Variants in GNAZ observed in about 807,000 individuals in gnomAD.
GNAZ encodes G protein subunit alpha z.
GNAZ carries 3 observed loss-of-function variants against 25.4 expected under a neutral mutation model. That is an observed-to-expected ratio of 0.12 (90% CI 0.05 to 0.30). The LOEUF (loss-of-function observed/expected upper bound fraction) is 0.30. Among genes scored for constraint, GNAZ ranks in the 10% least tolerant of loss-of-function variants. GNAZ has a pLI of 1.00. For missense variants in GNAZ, 241 were observed against 501.8 expected, an observed-to-expected ratio of 0.48 and a Z score of 4.97; for synonymous variants, 211 against 205.7, an observed-to-expected ratio of 1.03 and a Z score of -0.22.
intron 2 of GNAZ, among the ~76,000 whole-genome samples, chr22:23,100,425 G>A (rs2069264275): frequency 6.6e-6 from 1 of 152,242 alleles, no homozygotes; most frequent in Non-Finnish European, 1.5e-5. Flanking sequence ...AGAGACAGCT[G>A]GTCAACATGT....
rs2069111757 is a variant in GNAZ, at chr22:23,095,986, C to T, written c.291C>T (p.Asn97=). Residue 97 remains asparagine, a synonymous_variant, in exon 2 of 3, where the codon AAC becomes AAT. Transcript: ENST00000615612. ...ALAALRIDFH[N]PDRAYDAVQL... The stretch of plus-strand genomic sequence containing the variant: ...CCGCCCTCAGGATCGACTTCCACAA[C>T]CCCGACCGCGCCTACGACGCTGTGC... 1.2e-6 allele frequency: 2 copies of T among 1,610,016 alleles called. No homozygotes were observed. Among genetic ancestry groups the T allele is most frequent in the African/African-American group, 1.3e-5 (1 of 74,946 alleles).
At chr22:23,122,681 G>A (rs2070064576) in intron 2 of GNAZ, 1 of 206,580 alleles carries the variant, frequency 4.8e-6, no homozygotes, top group African/African-American at 2.3e-5. Flanking sequence ...GGCTCCTGCA[G>A]AAGATGGCCT....
chr22:23,114,203 A>G (rs1263463194), intron 2 of GNAZ, among the ~76,000 whole-genome samples: 2 of 152,036 alleles, frequency 1.3e-5, no homozygotes, highest in Non-Finnish European at 2.9e-5. Context: ...TGGTGAATGG[A>G]GCGCATTCAT....
chr22:23,080,715 A>G (rs1394118266), intron 1 of GNAZ, among the ~76,000 whole-genome samples: 3 of 152,242 alleles, frequency 2.0e-5, no homozygotes, highest in Admixed American at 2.0e-4. Context: ...CAAGCCATGA[A>G]TCAGTGATGT....
Position 23,123,149 on chromosome 22 carries a change from C to T in GNAZ, c.786C>T (p.Asn262=). 1 of 1,613,922 alleles carries T rather than the reference C, an allele frequency of 6.2e-7. No individual in the cohort carries two copies. The highest frequency in any genetic ancestry group is 8.5e-7 in the Non-Finnish European group (1 of 1,179,766). ...TCTGCAACAACAACTGGTTCATCAA[C>T]ACCTCACTCATCCTCTTCCTGAACA... The part of the protein sequence containing the change: ...DSICNNNWFI[N]TSLILFLNKK... The change falls in exon 3 of 3, where the codon AAC becomes AAT. Residue 262 remains asparagine, a synonymous_variant. Transcript: ENST00000615612.
intron 1 of GNAZ, among the ~76,000 whole-genome samples, chr22:23,085,088 C>G (rs745392384): frequency 1.2e-3 from 176 of 152,180 alleles, no homozygotes; most frequent in Non-Finnish European, 1.3e-3. Context: ...CTGGAACCCC[C>G]ACCTCAGATA....
At chr22:23,089,143 C>T (rs1428699383) in intron 1 of GNAZ, among the ~76,000 whole-genome samples, 1 of 152,164 alleles carries the variant, frequency 6.6e-6, no homozygotes, top group Admixed American at 6.5e-5. Flanking sequence ...GCTGGACTGC[C>T]GTCTCTGAGG....
rs144239255 is a variant in GNAZ, at chr22:23,073,060, C to A, written c.-450+2490C>A. Among the ~76,000 whole-genome samples the A allele has an allele frequency of 3.7e-4, 57 of 152,378 alleles. 1 individual carries two copies. Among genetic ancestry groups the A allele is most frequent in the Non-Finnish European group, 6.0e-4 (41 of 68,036 alleles). On this transcript the variant is annotated intron_variant, in intron 1 of 2. Coordinates refer to ENST00000615612, the MANE Select transcript of GNAZ (RefSeq NM_002073.4). ...CTTGTGTGTGAACACATGTGTGCGG[C>A]TTCCTCCCCTGGAGGCAAGGAAGGC... is the stretch of plus-strand genomic sequence containing the variant.
chr22:23,104,059 G>A (rs542220873), intron 2 of GNAZ, among the ~76,000 whole-genome samples: 2 of 152,210 alleles, frequency 1.3e-5, no homozygotes, highest in East Asian at 1.9e-4. Context: ...TGGGATGAAC[G>A]TGGGGGTGGT....
intron 2 of GNAZ, among the ~76,000 whole-genome samples, chr22:23,096,704 T>C (rs1231168701): frequency 6.6e-6 from 1 of 152,190 alleles, no homozygotes; most frequent in Non-Finnish European, 1.5e-5. Flanking sequence ...ATGTGATAGT[T>C]TGGCAAATCC....
intron 2 of GNAZ, among the ~76,000 whole-genome samples, chr22:23,105,739 T>C (rs1375615386): frequency 6.6e-6 from 1 of 152,252 alleles, no homozygotes. Context: ...ATGCTGTTTG[T>C]TAATTTCCCT....
chr22:23,110,623 C>T (rs2069617631), intron 2 of GNAZ, among the ~76,000 whole-genome samples: 1 of 152,212 alleles, frequency 6.6e-6, no homozygotes, highest in African/African-American at 2.4e-5. Flanking sequence ...GCTGTGTGCC[C>T]CTGTGGGCAC....
At chr22:23,079,998 G>T (rs1027929902) in intron 1 of GNAZ, among the ~76,000 whole-genome samples, 1 of 152,164 alleles carries the variant, frequency 6.6e-6, no homozygotes, top group Non-Finnish European at 1.5e-5. Flanking sequence ...CCACTCAAGT[G>T]AGGGTTTGAT....
chr22:23,096,526 G>C, intron 2 of GNAZ, 108 bp downstream of exon 2: 1 of 1,194,368 alleles, frequency 8.4e-7, no homozygotes, highest in Non-Finnish European at 1.2e-6. Flanking sequence ...AGGGAACCAG[G>C]CGCAGGCCTG....
intron 2 of GNAZ, among the ~76,000 whole-genome samples, chr22:23,112,820 G>T (rs2069691673): frequency 6.6e-6 from 1 of 152,164 alleles, no homozygotes; most frequent in African/African-American, 2.4e-5. Flanking sequence ...GGACCTGGCT[G>T]CAGGGAGCAA....
chr22:23,085,485 C>T (rs1219050387), intron 1 of GNAZ, among the ~76,000 whole-genome samples: 2 of 152,182 alleles, frequency 1.3e-5, no homozygotes, highest in Non-Finnish European at 2.9e-5. Context: ...CAGGCCTGGG[C>T]GCACGTGCTG....
At chr22:23,117,548 G>C (rs899611481) in intron 2 of GNAZ, among the ~76,000 whole-genome samples, 1 of 152,228 alleles carries the variant, frequency 6.6e-6, no homozygotes, top group Non-Finnish European at 1.5e-5. Flanking sequence ...CAGGTCTTCC[G>C]ATGAGACCTC....
intron 2 of GNAZ, among the ~76,000 whole-genome samples, chr22:23,113,273 A>G (rs573548293): frequency 6.6e-6 from 1 of 152,308 alleles, no homozygotes; most frequent in South Asian, 2.1e-4. Context: ...TGCTGGTCCC[A>G]GCATCCTTCT....
chr22:23,107,086 T>C (rs189773777), intron 2 of GNAZ, among the ~76,000 whole-genome samples: 1 of 152,368 alleles, frequency 6.6e-6, no homozygotes, highest in African/African-American at 2.4e-5. Context: ...GAGCTAGGGC[T>C]TTAGCGGCAG....
Sources: gnomAD v4.1 joint callset for allele counts (sites outside exome capture counted in the v4.1 genomes callset) on GRCh38, gnomAD v4.1.1 for gene constraint, MANE v1.5 for transcripts, NCBI Gene and HGNC (gene_info 2026-07-23, HGNC 2026-07-21) for gene names.